Variants in PLA2G4C observed in about 807,000 individuals in gnomAD.
The protein encoded by PLA2G4C is cytosolic phospholipase A2 gamma.
Under a neutral mutation model 73.8 loss-of-function variants are expected in PLA2G4C, and 64 were observed. The ratio of observed to expected loss-of-function variants is 0.87; its 90% confidence interval spans 0.71 to 1.07. The LOEUF is 1.07. Ranked by LOEUF, PLA2G4C falls within the 50% of genes least tolerant of loss-of-function variation. PLA2G4C has a pLI of 0.00. For missense variants in PLA2G4C, 622 were observed against 665.4 expected (o/e 0.93, Z 0.72); for synonymous variants, 254 against 252.1 (o/e 1.01, Z -0.07).
At chr19:48,080,510 T>C (rs984102434) in intron 10 of PLA2G4C, among the ~76,000 whole-genome samples, 2 of 152,022 alleles carry the variant, frequency 1.3e-5, no homozygotes, top group African/African-American at 4.8e-5. Context: ...AGCCATTATA[T>C]GAAAAAGACA....
chr19:48,052,870 C>T, intron 16 of PLA2G4C, 127 bp downstream of exon 16: 1 of 970,036 alleles, frequency 1.0e-6, no homozygotes, highest in Non-Finnish European at 1.5e-6. Flanking sequence ...GACGCAAGCT[C>T]AAGTAGGGGA....
At chr19:48,077,071 T>A (rs1364346849) in intron 11 of PLA2G4C, among the ~76,000 whole-genome samples, 1 of 152,232 alleles carries the variant, frequency 6.6e-6, no homozygotes, top group Non-Finnish European at 1.5e-5. Flanking sequence ...TATGTAGTTT[T>A]GGGAAGTATT....
chr19:48,106,761 A>C, intron 1 of PLA2G4C, 200 bp from the exon 2 acceptor site: 1 of 567,076 alleles, frequency 1.8e-6, no homozygotes, highest in Non-Finnish European at 3.1e-6. Context: ...AATGGGAGAA[A>C]TATTTCAAGC....
intron 14 of PLA2G4C, chr19:48,061,676 A>C: frequency 3.0e-5 from 9 of 300,836 alleles, no homozygotes; most frequent in East Asian, 1.0e-4. Flanking sequence ...CACCCGGGGA[A>C]GGAGGTGCAC....
intron 14 of PLA2G4C, 124 bp downstream of exon 14, chr19:48,061,874 G>A: frequency 1.0e-6 from 1 of 964,832 alleles, no homozygotes; most frequent in Non-Finnish European, 1.6e-6. Context: ...TGGCTCTCTG[G>A]ACTTCCCAGC....
chr19:48,060,687 C>T (rs1363795623), intron 14 of PLA2G4C, among the ~76,000 whole-genome samples: 2 of 152,094 alleles, frequency 1.3e-5, no homozygotes, highest in East Asian at 1.9e-4. Flanking sequence ...TATCTCATTC[C>T]ACCTTTATCA....
At chr19:48,083,694 A>AC (rs1256813280) in intron 10 of PLA2G4C, among the ~76,000 whole-genome samples, 11 of 151,432 alleles carry the variant, frequency 7.3e-5, no homozygotes, top group African/African-American at 2.4e-4. Context: ...TGATCTGCCC[A>AC]CCTCAGCCTC....
intron 6 of PLA2G4C, 65 bp downstream of exon 6, chr19:48,098,074 C>G (rs2031692736): frequency 1.9e-6 from 3 of 1,549,876 alleles, no homozygotes; most frequent in Admixed American, 3.6e-5. Context: ...GGGAAACATT[C>G]TTCCATTCCA....
intron 11 of PLA2G4C, among the ~76,000 whole-genome samples, chr19:48,075,393 G>A (rs1824525057): frequency 6.6e-6 from 1 of 151,632 alleles, no homozygotes; most frequent in Admixed American, 6.6e-5. Flanking sequence ...TACCATGTTG[G>A]CCAGGCTGGT....
At chr19:48,077,732 C>T (rs1555747334) in intron 11 of PLA2G4C, 39 bp downstream of exon 11, 6 of 1,487,668 alleles carry the variant, frequency 4.0e-6, no homozygotes, top group Non-Finnish European at 5.6e-6. Context: ...GTGCAGTCCA[C>T]ACTATCATTA....
At chr19:48,110,363 T>C in intron 1 of PLA2G4C, 124 bp downstream of exon 1, 1 of 604,480 alleles carries the variant, frequency 1.7e-6, no homozygotes, top group East Asian at 3.4e-5. Flanking sequence ...AATAAATAAA[T>C]AAATAAAATA....
intron 16 of PLA2G4C, 82 bp from the exon 17 acceptor site, chr19:48,048,470 G>T: frequency 2.3e-6 from 2 of 875,170 alleles, no homozygotes; most frequent in Non-Finnish European, 1.7e-6. Flanking sequence ...AGACCTGGAA[G>T]CCTCTACAGG....
At chr19:48,058,807 A>G (rs1401924017) in intron 14 of PLA2G4C, among the ~76,000 whole-genome samples, 1 of 144,998 alleles carries the variant, frequency 6.9e-6, no homozygotes, top group Non-Finnish European at 1.5e-5. Flanking sequence ...GACACAGAAG[A>G]CTCCATCTCA....
intron 13 of PLA2G4C, chr19:48,064,746 A>G (rs191221979): frequency 3.3e-5 from 5 of 152,274 alleles, no homozygotes; most frequent in Admixed American, 3.3e-4. Flanking sequence ...AAACATTCCA[A>G]TAGAATGACT....
chr19:48,095,353 T>C, intron 7 of PLA2G4C, 111 bp downstream of exon 7: 1 of 1,008,422 alleles, frequency 9.9e-7, no homozygotes, highest in African/African-American at 1.6e-5. Context: ...CAAGTCCTTT[T>C]CTTTCCCCCA....
chr19:48,057,820 G>C (rs1968014961), intron 14 of PLA2G4C, among the ~76,000 whole-genome samples: 1 of 149,502 alleles, frequency 6.7e-6, no homozygotes, highest in South Asian at 2.2e-4. Flanking sequence ...TTGAATATTT[G>C]AGTCTAACAG....
chr19:48,105,361 A>T lies in PLA2G4C; in HGVS notation c.92T>A (p.Leu31Gln). Reference sequence around the variant, plus strand: ...ATCAGCCTCAATCCTTAGCTTCTTCAGAGCTTTCAGCACATGAAGTCTTCG... The same window carrying T: ...ATCAGCCTCAATCCTTAGCTTCTTCTGAGCTTTCAGCACATGAAGTCTTCG... ...ERRRLHVLKALKKLRIEADEA... is the reference protein window; with the variant it reads ...ERRRLHVLKAQKKLRIEADEA... The change falls in exon 3 of 17, where the codon CTG becomes CAG. Residue 31 changes from leucine to glutamine, a missense_variant. Coordinates refer to ENST00000599921, the MANE Select transcript of PLA2G4C (RefSeq NM_003706.3). 6.2e-7 allele frequency: 1 copy of T among 1,613,574 alleles called. No individual in the cohort carries two copies. The highest frequency in any genetic ancestry group is 1.3e-5 in the African/African-American group (1 of 75,012).
At chr19:48,098,010 GT>G in intron 6 of PLA2G4C, 128 bp downstream of exon 6, 2 of 1,018,090 alleles carry the variant, frequency 2.0e-6, no homozygotes, top group African/African-American at 1.6e-5. Flanking sequence ...TGAGCACCCT[GT>G]TTTCTGCAAT....
chr19:48,080,542 C>T (rs1278615031), intron 10 of PLA2G4C, among the ~76,000 whole-genome samples: 1 of 152,146 alleles, frequency 6.6e-6, no homozygotes, highest in Non-Finnish European at 1.5e-5. Flanking sequence ...GGTGCAGTGG[C>T]TCACGCCTGT....
Sources: gnomAD v4.1 joint callset for allele counts (sites outside exome capture counted in the v4.1 genomes callset) on GRCh38, gnomAD v4.1.1 for gene constraint, MANE v1.5 for transcripts, NCBI Gene and HGNC (gene_info 2026-07-23, HGNC 2026-07-21) for gene names.